Variants in ERN1 observed in about 807,000 individuals in gnomAD.
The protein encoded by ERN1 is serine/threonine-protein kinase/endoribonuclease IRE1.
A neutral mutation model predicts 113.1 loss-of-function variants in ERN1; 39 were observed. The ratio of observed to expected loss-of-function variants is 0.34; its 90% CI spans 0.27 to 0.45. The LOEUF (loss-of-function observed/expected upper bound fraction) is 0.45. ERN1 is among the 20% of genes least tolerant of loss of function. ERN1 has a pLI of 1.00. For synonymous variants in ERN1, 507 were observed against 515.9 expected, an observed-to-expected ratio of 0.98 and a Z score of 0.23; for missense variants, 976 against 1,274.8, an observed-to-expected ratio of 0.77 and a Z score of 3.57.
intron 1 of ERN1, among the ~76,000 whole-genome samples, chr17:64,122,655 T>C (rs1401663552): frequency 2.0e-5 from 3 of 152,178 alleles, no homozygotes; most frequent in East Asian, 1.9e-4. Context: ...CCTCAATAAA[T>C]TGTGTGATCA....
chr17:64,115,757 T>G (rs1233331291), intron 1 of ERN1, among the ~76,000 whole-genome samples: 1 of 152,196 alleles, frequency 6.6e-6, no homozygotes, highest in African/African-American at 2.4e-5. Flanking sequence ...GGCACACAGA[T>G]GCATGGTCTG....
intron 2 of ERN1, among the ~76,000 whole-genome samples, chr17:64,087,756 G>A (rs151293481): frequency 1.5e-4 from 23 of 152,274 alleles, no homozygotes; most frequent in Non-Finnish European, 2.4e-4. Context: ...CAATAGGTTG[G>A]AGAGAATGGC....
intron 1 of ERN1, among the ~76,000 whole-genome samples, chr17:64,119,326 A>G (rs773460353): frequency 3.3e-5 from 5 of 150,568 alleles, no homozygotes; most frequent in Non-Finnish European, 5.9e-5. Context: ...TAAAAGTTGA[A>G]TGATATAGTA....
chr17:64,059,783 G>A (rs1912993653), intron 11 of ERN1, among the ~76,000 whole-genome samples: 1 of 151,696 alleles, frequency 6.6e-6, no homozygotes, highest in African/African-American at 2.4e-5. Context: ...GGAACTCTGT[G>A]CAAATAGTCC....
At chr17:64,121,330 A>G (rs555467412) in intron 1 of ERN1, among the ~76,000 whole-genome samples, 95 of 152,348 alleles carry the variant, frequency 6.2e-4, no homozygotes, top group African/African-American at 2.0e-3. Flanking sequence ...ACTGAGCTAG[A>G]GAAGAGCGGC....
intron 3 of ERN1, 25 bp downstream of exon 3, chr17:64,080,750 G>C (rs1913741404): frequency 6.2e-7 from 1 of 1,604,376 alleles, no homozygotes; most frequent in Admixed American, 1.7e-5. Flanking sequence ...TTAAAGGGAA[G>C]TACTGAGCGA....
chr17:64,053,193 C>A, intron 16 of ERN1, 79 bp downstream of exon 16: 1 of 1,227,856 alleles, frequency 8.1e-7, no homozygotes, highest in South Asian at 1.5e-5. Context: ...CAAGGCCCAC[C>A]CGAGCTACTG....
rs779354977 is a variant in ERN1 at position 64,049,141 on chromosome 17, C to G, written c.2315G>C (p.Ser772Thr). Residue 772 changes from serine (S) to threonine (T), a missense_variant, in exon 18 of 22, where the codon AGC becomes ACC. Ser to Thr is a moderately conservative substitution (Grantham distance 58). Transcript: ENST00000433197. The surrounding 1 kb of genome is among the most constrained non-coding windows in gnomAD (Gnocchi z 4.7). Reference sequence around the variant, plus strand: ...CTGCAGGGACTTGCCAAAAGGGTGGCTGCCCTCAGAGATTACGTAGTAAAA... The same window carrying G: ...CTGCAGGGACTTGCCAAAAGGGTGGGTGCCCTCAGAGATTACGTAGTAAAA... ...CVFYYVISEGSHPFGKSLQRQ... is the reference protein window; with the variant it reads ...CVFYYVISEGTHPFGKSLQRQ... 1 of 1,609,818 alleles carries G rather than the reference C, an allele frequency of 6.2e-7. No homozygotes were observed. Among genetic ancestry groups the G allele is most frequent in the Admixed American group, 1.7e-5 (1 of 59,862 alleles).
At chr17:64,058,754 G>C (rs572180929) in intron 11 of ERN1, among the ~76,000 whole-genome samples, 1 of 152,026 alleles carries the variant, frequency 6.6e-6, no homozygotes, top group Non-Finnish European at 1.5e-5. Flanking sequence ...GGCACATGCT[G>C]AATTTCCCAC....
chr17:64,054,574 G>T lies in ERN1; in HGVS notation c.1764-135C>A. ...CCCCGCCTGACTGCCTGGTGGCCCC[G>T]GAATCATCGCTTGTCTCAGTGTGCA... is the stretch of plus-strand genomic sequence containing the variant. On this transcript the variant is annotated intron_variant, in intron 14 of 21. Coordinates refer to ENST00000433197, the MANE Select transcript of ERN1 (RefSeq NM_001433.5). This position sits in a 1 kb window ranked among gnomAD's most constrained non-coding sequence, Gnocchi z 4.9. 9.6e-7 allele frequency: 1 copy of T among 1,042,294 alleles called. No individual in the cohort carries two copies. Among genetic ancestry groups the T allele is most frequent in the Non-Finnish European group, 1.4e-6 (1 of 719,142 alleles). 64.6% of individuals were successfully genotyped at this position (1,042,294 alleles called of 1,614,324 possible).
chr17:64,061,424 T>G (rs1002380960), intron 10 of ERN1, among the ~76,000 whole-genome samples: 75 of 152,358 alleles, frequency 4.9e-4, no homozygotes, highest in African/African-American at 1.8e-3. Context: ...CTCTTTCACC[T>G]TATGATCTTT....
At chr17:64,099,202 A>C (rs1567879999) in intron 1 of ERN1, among the ~76,000 whole-genome samples, 1 of 152,186 alleles carries the variant, frequency 6.6e-6, no homozygotes, top group Non-Finnish European at 1.5e-5. Flanking sequence ...ATATAGAAAA[A>C]TGCTTATATA....
chr17:64,102,718 G>A (rs1245518460), intron 1 of ERN1: 1 of 985,246 alleles, frequency 1.0e-6, no homozygotes, highest in African/African-American at 1.7e-5. Context: ...CTTGTGCCTT[G>A]TCTTTGCCCA....
At chr17:64,080,752 A>G (rs1262888213) in intron 3 of ERN1, 23 bp downstream of exon 3, 1 of 1,605,956 alleles carries the variant, frequency 6.2e-7, no homozygotes, top group South Asian at 1.1e-5. Context: ...AAAGGGAAGT[A>G]CTGAGCGAAT....
intron 3 of ERN1, chr17:64,080,355 T>C (rs1233176808): frequency 1.8e-5 from 3 of 170,892 alleles, no homozygotes; most frequent in Admixed American, 5.7e-5. Context: ...TCAGAAACCC[T>C]TGGCTGAATC....
chr17:64,066,573 C>T, intron 8 of ERN1, 98 bp downstream of exon 8: 1 of 1,429,952 alleles, frequency 7.0e-7, no homozygotes. Flanking sequence ...TCAGAGACTG[C>T]CCTGTCTTTG....
chr17:64,061,056 C>T (rs978265054), intron 10 of ERN1, among the ~76,000 whole-genome samples: 2 of 152,176 alleles, frequency 1.3e-5, no homozygotes, highest in African/African-American at 4.8e-5. Context: ...ATGTGAGCTT[C>T]CATCGGGGAA....
At chr17:64,070,126 T>C (rs1273794885) in intron 6 of ERN1, among the ~76,000 whole-genome samples, 2 of 152,156 alleles carry the variant, frequency 1.3e-5, no homozygotes, top group African/African-American at 4.8e-5. Context: ...GTAACACCCA[T>C]TTTTACTCAA....
intron 16 of ERN1, 77 bp from the exon 17 acceptor site, chr17:64,053,056 G>A (rs888007666): frequency 5.2e-5 from 64 of 1,230,678 alleles, no homozygotes; most frequent in African/African-American, 6.0e-5. Context: ...ATGTGTCCTC[G>A]TCAGACTCCC....
Sources: allele counts gnomAD v4.1 joint callset (sites outside exome capture counted in the v4.1 genomes callset), GRCh38; gene constraint gnomAD v4.1.1; non-coding constraint Gnocchi (gnomAD v3.1); transcripts MANE v1.5; gene names NCBI Gene and HGNC (gene_info 2026-07-23, HGNC 2026-07-21).